SCLT1: variants seen among roughly 807,000 people sequenced by gnomAD.
The protein encoded by SCLT1 is sodium channel and clathrin linker 1.
In SCLT1, 78 loss-of-function variants were observed where a neutral mutation model predicts 112.8. The ratio of observed to expected loss-of-function variants is 0.69; its 90% CI spans 0.58 to 0.83. The LOEUF is 0.83. SCLT1 is among the 40% of genes least tolerant of loss of function. The pLI, the probability that SCLT1 is intolerant of heterozygous loss-of-function variation, is 0.00. For synonymous variants in SCLT1, 257 were observed against 254.7 expected (o/e 1.01, Z -0.09); for missense variants, 747 against 770.4 (o/e 0.97, Z 0.36).
intron 10 of SCLT1, among the ~76,000 whole-genome samples, chr4:128,966,232 T>C (rs982140647): frequency 6.6e-6 from 1 of 151,794 alleles, no homozygotes; most frequent in East Asian, 1.9e-4. Context: ...CTCGAGTAGC[T>C]GGGACTATAG....
At chr4:128,970,526 T>A in intron 9 of SCLT1, 58 bp from the exon 10 acceptor site, 2 of 913,694 alleles carry the variant, frequency 2.2e-6, no homozygotes, top group East Asian at 2.5e-5. Context: ...GAATAAAAAA[T>A]TAGAATAGAA....
chr4:128,892,866 T>C (rs183363547), intron 18 of SCLT1, among the ~76,000 whole-genome samples: 1 of 152,330 alleles, frequency 6.6e-6, no homozygotes. Flanking sequence ...TATATTGTTT[T>C]AGCTTTGAGT....
At chr4:129,034,318 T>A (rs929199594) in intron 5 of SCLT1, among the ~76,000 whole-genome samples, 1 of 152,000 alleles carries the variant, frequency 6.6e-6, no homozygotes, top group Non-Finnish European at 1.5e-5. Flanking sequence ...TATCATACCA[T>A]TGATTATCAT....
intron 5 of SCLT1, among the ~76,000 whole-genome samples, chr4:129,029,569 C>G (rs1474406725): frequency 6.6e-6 from 1 of 151,550 alleles, no homozygotes; most frequent in Non-Finnish European, 1.5e-5. Context: ...GGAGATATAC[C>G]TAATGCTAAA....
intron 3 of SCLT1, among the ~76,000 whole-genome samples, chr4:128,877,785 G>A (rs1241826124): frequency 6.6e-6 from 1 of 152,116 alleles, no homozygotes; most frequent in African/African-American, 2.4e-5. Context: ...AATAAACTTG[G>A]TTAAAACATG....
Position 129,015,030 on chromosome 4 carries a change from G to C in SCLT1, c.291-11154C>G, listed in dbSNP as rs114771883. Among the ~76,000 whole-genome samples the C allele has an allele frequency of 3.6e-3, 544 of 152,190 alleles. 6 individuals are homozygous for C. Among genetic ancestry groups the C allele is most frequent in the African/African-American group, 0.012 (493 of 41,530 alleles). On this transcript the variant is annotated intron_variant, in intron 5 of 20. Transcript: ENST00000281142. Reference sequence around the variant, plus strand: ...AGCTCAGTGTGGGGGAGGATCTGCTGTTCTCTGAGCCTAGTTTTTCTCCCA... The same window carrying C: ...AGCTCAGTGTGGGGGAGGATCTGCTCTTCTCTGAGCCTAGTTTTTCTCCCA...
chr4:128,974,491 C>A (rs1208254687), intron 9 of SCLT1, among the ~76,000 whole-genome samples: 1 of 151,802 alleles, frequency 6.6e-6, no homozygotes, highest in East Asian at 1.9e-4. Context: ...CTTGGTGGCT[C>A]AATGTGGAGA....
intron 5 of SCLT1, among the ~76,000 whole-genome samples, chr4:129,014,661 T>C (rs1469683833): frequency 6.6e-6 from 1 of 152,206 alleles, no homozygotes; most frequent in Non-Finnish European, 1.5e-5. Context: ...TCTCACTCCA[T>C]GAGGTTAGAA....
chr4:129,013,482 GTGC>G (rs1442602668), intron 5 of SCLT1, among the ~76,000 whole-genome samples: 1 of 152,130 alleles, frequency 6.6e-6, no homozygotes, highest in Non-Finnish European at 1.5e-5. Context: ...CTACCTTCAG[GTGC>G]TCTTGTAAGG....
chr4:129,043,429 A>G lies in SCLT1; in HGVS notation c.200T>C (p.Leu67Pro). The change falls in exon 4 of 21, where the codon CTA becomes CCA. Residue 67 changes from leucine to proline, a missense_variant. Physicochemically the swap from Leu to Pro is moderately conservative, Grantham distance 98 (BLOSUM62 -3). Transcript: ENST00000281142. ...APLVTEYDKH[L>P]GELNGQLKYY... ...TTTCAGCTGCCCATTTAGTTCTCCT[A>G]GGTGTTTATCATACTCAGTAACAAG... 2 of 1,550,498 alleles carry G rather than the reference A, an allele frequency of 1.3e-6. No individual in the cohort carries two copies. Among genetic ancestry groups the G allele is most frequent in the East Asian group, 2.3e-5 (1 of 44,232 alleles).
intron 14 of SCLT1, among the ~76,000 whole-genome samples, chr4:128,950,682 A>C (rs1738650193): frequency 1.3e-5 from 2 of 152,184 alleles, no homozygotes; most frequent in African/African-American, 2.4e-5. Context: ...ACCAAATGAG[A>C]AATCAACAAT....
At chr4:129,040,102 T>C in intron 4 of SCLT1, 2 of 685,772 alleles carry the variant, frequency 2.9e-6, no homozygotes, top group Non-Finnish European at 5.4e-6. Context: ...AGCCTTTTTC[T>C]CTCTCTTTCA....
chr4:129,026,434 C>T (rs1425407420), intron 5 of SCLT1, among the ~76,000 whole-genome samples: 1 of 151,964 alleles, frequency 6.6e-6, no homozygotes, highest in Admixed American at 6.6e-5. Context: ...ACTGAACAAC[C>T]TGCTCCTGAA....
At chr4:129,025,064 TA>T (rs1479213360) in intron 5 of SCLT1, among the ~76,000 whole-genome samples, 1 of 152,208 alleles carries the variant, frequency 6.6e-6, no homozygotes, top group African/African-American at 2.4e-5. Flanking sequence ...AGACCAAATC[TA>T]CGTCTGATTG....
chr4:129,001,402 C>T (rs1042519403), intron 6 of SCLT1, among the ~76,000 whole-genome samples: 4 of 151,934 alleles, frequency 2.6e-5, no homozygotes, highest in African/African-American at 9.7e-5. Flanking sequence ...ATGATGTACA[C>T]TATATAATTT....
rs1405037986 is a variant in SCLT1, at chr4:128,891,147, G to A, written c.1830-10C>T. ...TCGACTCAGCTCACTCCTATTAAGAGCACCAAAAAATCCATTAATATAATT... is the reference window on the plus strand; with the variant it reads ...TCGACTCAGCTCACTCCTATTAAGAACACCAAAAAATCCATTAATATAATT... On this transcript the variant is annotated splice_polypyrimidine_tract_variant and intron_variant, in intron 18 of 20. Coordinates refer to ENST00000281142, the MANE Select transcript of SCLT1 (RefSeq NM_144643.4). The A allele has an allele frequency of 6.3e-7, 1 of 1,594,870 alleles. No individual in the cohort carries two copies. Among genetic ancestry groups the A allele is most frequent in the Non-Finnish European group, 8.6e-7 (1 of 1,165,034 alleles).
chr4:128,931,949 T>C (rs1170026399), intron 18 of SCLT1, among the ~76,000 whole-genome samples: 1 of 13,830 alleles, frequency 7.2e-5, no homozygotes, highest in African/African-American at 3.3e-4. Context: ...TTTCTATCCC[T>C]TTTTTTTTTT....
At chr4:129,046,261 A>C (rs1038079985) in intron 2 of SCLT1, among the ~76,000 whole-genome samples, 1 of 152,092 alleles carries the variant, frequency 6.6e-6, no homozygotes, top group Admixed American at 6.6e-5. Context: ...GATACACACA[A>C]GTTTCAGTTA....
intron 9 of SCLT1, 56 bp downstream of exon 9, chr4:128,992,111 C>A: frequency 8.7e-7 from 1 of 1,150,350 alleles, no homozygotes; most frequent in South Asian, 1.4e-5. Flanking sequence ...GCATCATCAG[C>A]TCCCCTGAAG....
Sources: gnomAD v4.1 joint callset for allele counts (sites outside exome capture counted in the v4.1 genomes callset) on GRCh38, gnomAD v4.1.1 for gene constraint, MANE v1.5 for transcripts, NCBI Gene and HGNC (gene_info 2026-07-23, HGNC 2026-07-21) for gene names.